LRP1B: variants seen among roughly 807,000 people sequenced by gnomAD.
The protein encoded by LRP1B is low-density lipoprotein receptor-related protein 1B.
A neutral mutation model predicts 556.6 loss-of-function variants in LRP1B; 217 were observed. The observed-to-expected ratio is 0.39, with a 90% CI of 0.35 to 0.44. The LOEUF (loss-of-function observed/expected upper bound fraction) is 0.44, where lower values mean the gene tolerates loss of function less well. Among genes scored for constraint, LRP1B ranks in the 20% least tolerant of loss-of-function variants. The pLI is 1.00. For synonymous variants in LRP1B, 2,047 were observed against 1,865.8 expected (o/e 1.10, Z -2.50); for missense variants, 5,053 against 5,620.8 (o/e 0.90, Z 3.23).
At chr2:141,602,712 A>G (rs1687791609) in intron 2 of LRP1B, among the ~76,000 whole-genome samples, 1 of 152,174 alleles carries the variant, frequency 6.6e-6, no homozygotes, top group South Asian at 2.1e-4. Flanking sequence ...AATATCCCCA[A>G]GTTCAAAGGA....
chr2:141,881,490 T>C lies in LRP1B; in HGVS notation c.83-71089A>G, dbSNP rs192131569. ...TAAACTGAAAAATCGTTGTGAATGT[T>C]TGCCTCTGGGGAGTAGGCATGGAGT... On this transcript the variant is annotated intron_variant, in intron 1 of 90. Transcript: ENST00000389484. Among the ~76,000 whole-genome samples, 120 of 152,208 alleles carry C rather than the reference T, an allele frequency of 7.9e-4. 1 individual carries two copies. The highest frequency in any genetic ancestry group is 2.8e-3 in the African/African-American group (115 of 41,554).
intron 1 of LRP1B, among the ~76,000 whole-genome samples, chr2:142,074,699 C>T (rs1705437787): frequency 1.3e-5 from 2 of 151,980 alleles, no homozygotes. Context: ...CAGCTCAAGG[C>T]CTTAGGGTTT....
intron 41 of LRP1B, among the ~76,000 whole-genome samples, chr2:140,608,014 T>C (rs1682932820): frequency 6.6e-6 from 1 of 151,744 alleles, no homozygotes; most frequent in African/African-American, 2.4e-5. Flanking sequence ...AAAATTATTA[T>C]CTAAAATAAA....
intron 1 of LRP1B, among the ~76,000 whole-genome samples, chr2:141,969,687 G>C (rs1009902032): frequency 1.3e-5 from 2 of 151,560 alleles, no homozygotes; most frequent in Admixed American, 6.6e-5. Flanking sequence ...CCTGGCTATT[G>C]GGAATAGTGC....
intron 2 of LRP1B, among the ~76,000 whole-genome samples, chr2:141,486,826 C>T (rs1683138168): frequency 6.6e-6 from 1 of 151,880 alleles, no homozygotes; most frequent in South Asian, 2.1e-4. Flanking sequence ...TACTTTTAAA[C>T]TTCTTCAAAA....
intron 41 of LRP1B, among the ~76,000 whole-genome samples, chr2:140,614,849 C>T (rs1260726363): frequency 2.0e-5 from 3 of 152,168 alleles, no homozygotes; most frequent in Non-Finnish European, 4.4e-5. Context: ...GAAAATAAAA[C>T]TGCCTTTGCA....
At chr2:140,975,790 T>C (rs1488994177) in intron 18 of LRP1B, among the ~76,000 whole-genome samples, 2 of 152,194 alleles carry the variant, frequency 1.3e-5, no homozygotes, top group African/African-American at 4.8e-5. Flanking sequence ...AATATTATAC[T>C]TAATCAGGAA....
At chr2:140,440,744 T>A (rs1686388694) in intron 66 of LRP1B, among the ~76,000 whole-genome samples, 1 of 73,638 alleles carries the variant, frequency 1.4e-5, no homozygotes, top group East Asian at 2.0e-4. Context: ...TCTGTATGTA[T>A]GTGTGTGTGT....
chr2:141,927,898 C>T (rs2104987763), intron 1 of LRP1B, among the ~76,000 whole-genome samples: 3 of 44,492 alleles, frequency 6.7e-5, no homozygotes, highest in South Asian at 2.1e-3. Context: ...TCCAACTTGG[C>T]TTTACAAAAA....
At chr2:140,644,915 T>C (rs1684425978) in intron 41 of LRP1B, among the ~76,000 whole-genome samples, 1 of 152,136 alleles carries the variant, frequency 6.6e-6, no homozygotes, top group Non-Finnish European at 1.5e-5. Flanking sequence ...CTAATCTGAG[T>C]ACATACATTC....
At chr2:141,454,586 A>G (rs145135510) in intron 3 of LRP1B, among the ~76,000 whole-genome samples, 50 of 77,546 alleles carry the variant, frequency 6.4e-4, no homozygotes, top group Middle Eastern at 0.014. Context: ...TTAATATTTA[A>G]TACACCATTA....
intron 60 of LRP1B, among the ~76,000 whole-genome samples, chr2:140,469,907 CT>C (rs1277036866): frequency 6.6e-6 from 1 of 152,116 alleles, no homozygotes; most frequent in African/African-American, 2.4e-5. Context: ...TATTCCCTTG[CT>C]GGCAAATGGC....
At chr2:141,125,864 A>C (rs1049903566) in intron 7 of LRP1B, among the ~76,000 whole-genome samples, 5 of 144,292 alleles carry the variant, frequency 3.5e-5, no homozygotes, top group African/African-American at 1.2e-4. Flanking sequence ...AAAAAAAACA[A>C]AAAACCTCCA....
chr2:141,013,888 G>C, intron 13 of LRP1B, 143 bp from the exon 14 acceptor site: 2 of 497,022 alleles, frequency 4.0e-6, no homozygotes, highest in East Asian at 7.0e-5. Flanking sequence ...TTAAAAAATG[G>C]ATTTCACAAT....
At chr2:141,328,092 T>C (rs927042817) in intron 3 of LRP1B, among the ~76,000 whole-genome samples, 1 of 152,230 alleles carries the variant, frequency 6.6e-6, no homozygotes, top group Non-Finnish European at 1.5e-5. Flanking sequence ...GGTTATTCTG[T>C]ATACATATAT....
chr2:140,989,761 A>G, intron 16 of LRP1B, 104 bp from the exon 17 acceptor site: 2 of 1,068,556 alleles, frequency 1.9e-6, no homozygotes, highest in Non-Finnish European at 2.7e-6. Context: ...ATTATAGTAC[A>G]ATAAATGTCA....
chr2:141,553,689 G>C (rs1685838597), intron 2 of LRP1B, among the ~76,000 whole-genome samples: 1 of 137,642 alleles, frequency 7.3e-6, no homozygotes, highest in Admixed American at 7.8e-5. Flanking sequence ...ATATCATATA[G>C]AATATATATT....
chr2:140,757,018 T>C (rs1688763014), intron 35 of LRP1B, among the ~76,000 whole-genome samples: 1 of 152,192 alleles, frequency 6.6e-6, no homozygotes, highest in Non-Finnish European at 1.5e-5. Context: ...AATAGACATT[T>C]CTTCATATAC....
intron 2 of LRP1B, among the ~76,000 whole-genome samples, chr2:141,596,980 T>TA (rs1005118041): frequency 1.3e-5 from 2 of 151,516 alleles, no homozygotes; most frequent in African/African-American, 2.4e-5. Flanking sequence ...CATATATATG[T>TA]AAAAAAAAGT....
Sources: allele counts gnomAD v4.1 joint callset (sites outside exome capture counted in the v4.1 genomes callset), GRCh38; gene constraint gnomAD v4.1.1; transcripts MANE v1.5; gene names NCBI Gene and HGNC (gene_info 2026-07-23, HGNC 2026-07-21).